ADGB: variants seen among roughly 807,000 people sequenced by gnomAD.
ADGB encodes the protein androglobin, also known as calpain-7-like protein.
A neutral mutation model predicts 210.5 loss-of-function variants in ADGB; 172 were observed. The observed-to-expected ratio is 0.82, with a 90% CI of 0.72 to 0.93. The LOEUF is 0.93. Ranked by LOEUF, ADGB falls within the 40% of genes least tolerant of loss-of-function variation. The probability of loss-of-function intolerance (pLI) is 0.00; values close to 1 mark genes in which losing one functional copy is unlikely to be tolerated. For synonymous variants in ADGB, 658 were observed against 662.7 expected (o/e 0.99, Z 0.11); for missense variants, 2,025 against 1,964.8 (o/e 1.03, Z -0.58).
At chr6:146,740,676 G>T in intron 24 of ADGB, 83 bp downstream of exon 24, 1 of 1,388,064 alleles carries the variant, frequency 7.2e-7, no homozygotes, top group Non-Finnish European at 9.6e-7. Context: ...AGTAGTAAAG[G>T]TATTAGCTTC....
chr6:146,672,176 A>T (rs964860011), intron 7 of ADGB, 44 bp from the exon 8 acceptor site: 3 of 1,454,272 alleles, frequency 2.1e-6, no homozygotes, highest in Non-Finnish European at 2.7e-6. Context: ...CAAGGAAAAA[A>T]AAAAACATCG....
rs539394735 is a variant in ADGB at position 146,710,904 on chromosome 6, T to G, written c.1708-4478T>G. Among the ~76,000 whole-genome samples, 6 of 152,258 alleles carry G rather than the reference T, an allele frequency of 3.9e-5. No individual in the cohort carries two copies. In the East Asian group the frequency reaches 1.2e-3, roughly 29 times the overall value. ...GGCTTCATGAGGGCAGAGATATTTATTTTATTATATTTTGTTTCTCCCTCG... is the reference window on the plus strand; with the variant it reads ...GGCTTCATGAGGGCAGAGATATTTAGTTTATTATATTTTGTTTCTCCCTCG... On this transcript the variant is annotated intron_variant, in intron 13 of 35. Coordinates refer to ENST00000397944, the MANE Select transcript of ADGB (RefSeq NM_024694.4).
intron 23 of ADGB, among the ~76,000 whole-genome samples, chr6:146,737,382 G>A (rs569493793): frequency 3.3e-5 from 5 of 152,242 alleles, no homozygotes; most frequent in Admixed American, 3.3e-4. Context: ...AGTATCCCAA[G>A]TGAAGCTAAG....
At chr6:146,756,583 T>A (rs980827476) in intron 27 of ADGB, among the ~76,000 whole-genome samples, 7 of 152,116 alleles carry the variant, frequency 4.6e-5, no homozygotes, top group Non-Finnish European at 8.8e-5. Context: ...CTAGTCTGAC[T>A]TTCAAGTTTC....
intron 19 of ADGB, among the ~76,000 whole-genome samples, chr6:146,727,128 T>A (rs1205261259): frequency 6.6e-6 from 1 of 151,920 alleles, no homozygotes; most frequent in African/African-American, 2.4e-5. Context: ...GCAGACAGCC[T>A]TCCCACTGCA....
chr6:146,603,281 T>C (rs1780586214), intron 1 of ADGB, among the ~76,000 whole-genome samples: 1 of 152,176 alleles, frequency 6.6e-6, no homozygotes, highest in Admixed American at 6.5e-5. Context: ...CATTCACCAA[T>C]TAGATGCCGC....
chr6:146,617,025 T>A (rs1047421544), intron 1 of ADGB, among the ~76,000 whole-genome samples: 2 of 152,150 alleles, frequency 1.3e-5, no homozygotes, highest in African/African-American at 4.8e-5. Context: ...AGTCTGTAGA[T>A]CACTGCGCCT....
At chr6:146,660,985 T>C (rs537073157) in intron 5 of ADGB, among the ~76,000 whole-genome samples, 15 of 152,130 alleles carry the variant, frequency 9.9e-5, no homozygotes, top group Non-Finnish European at 1.9e-4. Flanking sequence ...TACTCCTGTA[T>C]GTTTCTTGGG....
intron 9 of ADGB, among the ~76,000 whole-genome samples, chr6:146,685,125 G>A (rs1463748654): frequency 6.6e-6 from 1 of 151,812 alleles, no homozygotes; most frequent in Non-Finnish European, 1.5e-5. Context: ...AATATTTGCA[G>A]GACCAAAAAA....
chr6:146,607,314 A>G (rs1356282060), intron 1 of ADGB, among the ~76,000 whole-genome samples: 3 of 152,180 alleles, frequency 2.0e-5, no homozygotes, highest in Non-Finnish European at 4.4e-5. Context: ...AGAGTTTACT[A>G]TGTATAGACT....
chr6:146,697,823 A>G (rs1404486661), intron 12 of ADGB, among the ~76,000 whole-genome samples: 5 of 152,198 alleles, frequency 3.3e-5, no homozygotes, highest in Non-Finnish European at 5.9e-5. Flanking sequence ...ATATAAATAC[A>G]AAGAAAACTG....
At chr6:146,769,749 C>T (rs1306522336) in intron 29 of ADGB, among the ~76,000 whole-genome samples, 1 of 152,096 alleles carries the variant, frequency 6.6e-6, no homozygotes, top group African/African-American at 2.4e-5. Flanking sequence ...ATTGCCTAAT[C>T]ATAAAATAAT....
chr6:146,710,697 A>T (rs1776646602), intron 13 of ADGB, among the ~76,000 whole-genome samples: 1 of 151,658 alleles, frequency 6.6e-6, no homozygotes, highest in Non-Finnish European at 1.5e-5. Flanking sequence ...TGAAATTTTA[A>T]AAAAAAAATT....
At chr6:146,748,341 G>C (rs1376515629) in intron 26 of ADGB, among the ~76,000 whole-genome samples, 1 of 152,080 alleles carries the variant, frequency 6.6e-6, no homozygotes, top group Non-Finnish European at 1.5e-5. Context: ...TCCACACACT[G>C]GGTGGGTGAC....
intron 1 of ADGB, among the ~76,000 whole-genome samples, chr6:146,604,102 T>C (rs1780599260): frequency 6.6e-6 from 1 of 152,202 alleles, no homozygotes; most frequent in Non-Finnish European, 1.5e-5. Flanking sequence ...AGGTGACCTG[T>C]GTGGAGCTCA....
chr6:146,708,647 AT>A (rs1356468835), intron 13 of ADGB, among the ~76,000 whole-genome samples: 1 of 151,746 alleles, frequency 6.6e-6, no homozygotes, highest in African/African-American at 2.4e-5. Flanking sequence ...TTTGTCTTTG[AT>A]TTTTGACAGT....
In ADGB at chr6:146,655,490, G is replaced by T. The variant is rs78603180; in HGVS notation, c.403-1281G>T. Among the ~76,000 whole-genome samples, 307 of 152,230 alleles carry T rather than the reference G, an allele frequency of 2.0e-3. 7 individuals carry two copies. In the East Asian group the frequency reaches 0.033, roughly 16 times the overall value. On this transcript the variant is annotated intron_variant, in intron 4 of 35. Coordinates refer to ENST00000397944, the MANE Select transcript of ADGB (RefSeq NM_024694.4). ...AAGCAGGCCTGTTCCACTCCTCTAT[G>T]TTAATTAAATCAGAAACAAGAACTT... is the stretch of plus-strand genomic sequence containing the variant.
chr6:146,716,797 T>C (rs1776742165), intron 14 of ADGB, 86 bp from the exon 15 acceptor site: 2 of 1,273,856 alleles, frequency 1.6e-6, no homozygotes, highest in Admixed American at 2.9e-5. Flanking sequence ...TAGACTTTGA[T>C]ATTTAAGTTT....
intron 35 of ADGB, among the ~76,000 whole-genome samples, chr6:146,808,948 G>A (rs1006175966): frequency 5.3e-5 from 8 of 151,936 alleles, no homozygotes; most frequent in Non-Finnish European, 7.4e-5. Flanking sequence ...TGGCCATTGC[G>A]ATCGTGGAGG....
Sources: gnomAD v4.1 joint callset for allele counts (sites outside exome capture counted in the v4.1 genomes callset) on GRCh38, gnomAD v4.1.1 for gene constraint, MANE v1.5 for transcripts, NCBI Gene and HGNC (gene_info 2026-07-23, HGNC 2026-07-21) for gene names.